The following SNTG2 variants were observed in gnomAD, a reference collection of about 807,000 sequenced individuals.
SNTG2 encodes gamma-2-syntrophin.
In SNTG2, 74 loss-of-function variants were observed where a neutral mutation model predicts 70.9. The ratio of observed to expected loss-of-function variants is 1.04; its 90% CI spans 0.86 to 1.27. The LOEUF (loss-of-function observed/expected upper bound fraction) is 1.27, where lower values mean the gene tolerates loss of function less well. SNTG2 is among the 50% of genes most tolerant of loss of function. The probability of loss-of-function intolerance (pLI) is 0.00; values close to 1 mark genes in which losing one functional copy is unlikely to be tolerated. For missense variants in SNTG2, 717 were observed against 690.7 expected (o/e 1.04, Z -0.43); for synonymous variants, 278 against 273.8 (o/e 1.02, Z -0.15).
intron 9 of SNTG2, among the ~76,000 whole-genome samples, chr2:1,223,336 G>T (rs1033902760): frequency 1.1e-5 from 1 of 94,470 alleles, no homozygotes. Context: ...AGGCGGCGCA[G>T]TGATGGAGGG....
intron 9 of SNTG2, chr2:1,220,144 G>T (rs1162980217): frequency 6.6e-6 from 1 of 152,326 alleles, no homozygotes; most frequent in South Asian, 2.1e-4. Flanking sequence ...CGCACACAGG[G>T]CACTCCTTAC....
intron 1 of SNTG2, among the ~76,000 whole-genome samples, chr2:1,035,557 G>A (rs550615958): frequency 1.2e-4 from 19 of 152,224 alleles, no homozygotes; most frequent in Admixed American, 8.5e-4. Context: ...GTACTTCAGC[G>A]GCCGGTGTTT....
chr2:1,069,533 C>T (rs968589936), intron 1 of SNTG2, among the ~76,000 whole-genome samples: 1 of 151,798 alleles, frequency 6.6e-6, no homozygotes, highest in African/African-American at 2.4e-5. Flanking sequence ...TGGCTCATGC[C>T]TGTAATCTCA....
At chr2:1,140,240 T>C (rs1214231310) in intron 6 of SNTG2, among the ~76,000 whole-genome samples, 1 of 151,020 alleles carries the variant, frequency 6.6e-6, no homozygotes, top group Non-Finnish European at 1.5e-5. Flanking sequence ...TACTTTAAGT[T>C]GTTAAAACAT....
At position 1,209,189 on chromosome 2, in the gene SNTG2, G is replaced by A. The variant is rs1275687591; in HGVS notation, c.678G>A (p.Met226Ile). 3.7e-6 allele frequency: 6 copies of A among 1,613,850 alleles called. No individual in the cohort carries two copies. Among genetic ancestry groups the A allele is most frequent in the Non-Finnish European group, 5.1e-6 (6 of 1,179,906 alleles). The change falls in exon 9 of 17, where the codon ATG (methionine) becomes ATA (isoleucine). Residue 226 changes from methionine (M) to isoleucine (I), a missense_variant. Transcript: ENST00000308624. ...ACACCTTGTCCGTGCCTCTGTCCAT[G>A]GCTCGCATCTCAAGGTACAAAGCCG... ...WLDTLSVPLS[M>I]ARISRYKAGT...
At chr2:1,223,735 C>T (rs1047195466) in intron 9 of SNTG2, among the ~76,000 whole-genome samples, 43 of 152,142 alleles carry the variant, frequency 2.8e-4, no homozygotes, top group Non-Finnish European at 1.5e-4. Context: ...GTTTTAAAGG[C>T]ACGAGACCTT....
chr2:1,229,818 C>T (rs1676075547), intron 9 of SNTG2, among the ~76,000 whole-genome samples: 2 of 152,360 alleles, frequency 1.3e-5, no homozygotes, highest in South Asian at 4.1e-4. Context: ...GGACCCAGTA[C>T]ACCCTCCGCA....
intron 4 of SNTG2, among the ~76,000 whole-genome samples, chr2:1,129,777 C>A: frequency 6.6e-6 from 1 of 152,222 alleles, no homozygotes; most frequent in East Asian, 1.9e-4. Context: ...GTGCAATAGA[C>A]TCTGCCATCA....
At chr2:1,194,982 G>T (rs1290505673) in intron 8 of SNTG2, among the ~76,000 whole-genome samples, 1 of 152,068 alleles carries the variant, frequency 6.6e-6, no homozygotes, top group Non-Finnish European at 1.5e-5. Flanking sequence ...GCAGTGTTTG[G>T]TTTTCTGTTC....
At chr2:988,439 T>G (rs540162422) in intron 1 of SNTG2, among the ~76,000 whole-genome samples, 28 of 152,314 alleles carry the variant, frequency 1.8e-4, no homozygotes, top group African/African-American at 6.7e-4. Flanking sequence ...AGTTTTGATT[T>G]TTTTTGGCTT....
At chr2:1,154,679 C>T (rs1669735548) in intron 6 of SNTG2, among the ~76,000 whole-genome samples, 1 of 152,130 alleles carries the variant, frequency 6.6e-6, no homozygotes, top group South Asian at 2.1e-4. Flanking sequence ...GATCAGTAAA[C>T]TCCATAAATT....
At chr2:1,260,257 T>A (rs1678346429) in intron 13 of SNTG2, among the ~76,000 whole-genome samples, 1 of 152,220 alleles carries the variant, frequency 6.6e-6, no homozygotes, top group South Asian at 2.1e-4. Context: ...AAAATAATAT[T>A]CTCTATCTGT....
chr2:1,162,911 G>A (rs1670422922), intron 6 of SNTG2, among the ~76,000 whole-genome samples: 1 of 152,230 alleles, frequency 6.6e-6, no homozygotes. Context: ...GGATGTGGAT[G>A]TCAGAGACAG....
chr2:1,014,774 G>A (rs1257560551), intron 1 of SNTG2, among the ~76,000 whole-genome samples: 2 of 150,670 alleles, frequency 1.3e-5, no homozygotes, highest in African/African-American at 4.8e-5. Context: ...GGATTTATAA[G>A]AGCAGAGAGA....
chr2:1,044,954 T>C (rs1183535683), intron 1 of SNTG2, among the ~76,000 whole-genome samples: 1 of 152,108 alleles, frequency 6.6e-6, no homozygotes, highest in African/African-American at 2.4e-5. Flanking sequence ...TTCCGTAGCG[T>C]TGGTACCAGC....
chr2:1,307,075 A>C, intron 14 of SNTG2, among the ~76,000 whole-genome samples: 1 of 106,734 alleles, frequency 9.4e-6, no homozygotes, highest in South Asian at 3.3e-4. Flanking sequence ...GTGTGGGGGA[A>C]TGTGTGAGTG....
intron 8 of SNTG2, among the ~76,000 whole-genome samples, chr2:1,191,121 G>T (rs1198854595): frequency 6.6e-6 from 1 of 152,164 alleles, no homozygotes; most frequent in Admixed American, 6.5e-5. Context: ...CCCCTTAATT[G>T]CATTGGGCCC....
chr2:1,130,242 G>A (rs1667935722), intron 4 of SNTG2, among the ~76,000 whole-genome samples: 2 of 152,116 alleles, frequency 1.3e-5, no homozygotes, highest in African/African-American at 4.8e-5. Flanking sequence ...ACATTCTTTG[G>A]AGCCATTTGG....
chr2:1,032,256 C>A (rs891082047), intron 1 of SNTG2, among the ~76,000 whole-genome samples: 28 of 151,832 alleles, frequency 1.8e-4, no homozygotes, highest in African/African-American at 6.8e-4. Flanking sequence ...AGCAAAACCG[C>A]AAAAGCCAAA....
Sources: allele counts gnomAD v4.1 joint callset (sites outside exome capture counted in the v4.1 genomes callset), GRCh38; gene constraint gnomAD v4.1.1; transcripts MANE v1.5; gene names NCBI Gene and HGNC (gene_info 2026-07-23, HGNC 2026-07-21).